The following LRP12 variants were observed in gnomAD, a reference collection of about 807,000 sequenced individuals.
The protein encoded by LRP12 is low-density lipoprotein receptor-related protein 12.
Under a neutral mutation model 66.0 loss-of-function variants are expected in LRP12, and 14 were observed. The ratio of observed to expected loss-of-function variants is 0.21; its 90% CI spans 0.14 to 0.33. The LOEUF is 0.33. Ranked by LOEUF, LRP12 falls within the 10% of genes least tolerant of loss-of-function variation. The probability of loss-of-function intolerance (pLI) is 1.00; values close to 1 mark genes in which losing one functional copy is unlikely to be tolerated. For missense variants in LRP12, 889 were observed against 1,053.4 expected, an observed-to-expected ratio of 0.84 and a Z score of 2.16; for synonymous variants, 357 against 359.1, an observed-to-expected ratio of 0.99 and a Z score of 0.07.
chr8:104,497,360 A>T lies in LRP12; in HGVS notation c.1192T>A (p.Tyr398Asn). 1 of 1,613,968 alleles carries T rather than the reference A, an allele frequency of 6.2e-7. No homozygotes were observed. Among genetic ancestry groups the T allele is most frequent in the Non-Finnish European group, 8.5e-7 (1 of 1,179,952 alleles). ...TCCCTTCCATTTGGGCAATGCCAAT[A>T]CCCATCACAACGCTGCTGCTCAGTA... ...CYTEQQRCDGYWHCPNGRDET... is the reference protein window; with the variant it reads ...CYTEQQRCDGNWHCPNGRDET... The change falls in exon 5 of 7, where the codon TAT becomes AAT. Residue 398 changes from tyrosine (Y) to asparagine (N), a missense_variant. This residue lies in a region of LRP12 where 800 missense variants were observed against 964.5 expected (regional missense o/e 0.83). Coordinates refer to ENST00000276654, the MANE Select transcript of LRP12 (RefSeq NM_013437.5). This position sits in a 1 kb window ranked among gnomAD's most constrained non-coding sequence, Gnocchi z 4.3.
chr8:104,498,741 A>G (rs1810778053), intron 4 of LRP12, among the ~76,000 whole-genome samples: 1 of 152,178 alleles, frequency 6.6e-6, no homozygotes, highest in Non-Finnish European at 1.5e-5. Context: ...TTGGGTTCTA[A>G]TGACAAATTA....
chr8:104,490,828 G>T lies in LRP12; in HGVS notation c.2425C>A (p.Pro809Thr). ...ACTCCAGGATTTGTTGCATTATATG[G>T]TTGTCTAAGCCCTTGTCCTTGATCT... ...ASDQGQGLRQ[P>T]YNATNPGVRP... The change falls in exon 7 of 7, where the codon CCA (proline) becomes ACA (threonine). Residue 809 changes from proline (P) to threonine (T), a missense_variant. Transcript: ENST00000276654. 1 of 1,614,100 alleles carries T rather than the reference G, an allele frequency of 6.2e-7. No individual in the cohort carries two copies. The highest frequency in any genetic ancestry group is 8.5e-7 in the Non-Finnish European group (1 of 1,180,018).
intron 1 of LRP12, among the ~76,000 whole-genome samples, chr8:104,544,636 C>A (rs1461220024): frequency 6.6e-6 from 1 of 152,158 alleles, no homozygotes; most frequent in African/African-American, 2.4e-5. Context: ...TAAATCTGCT[C>A]TGCTTGAACA....
chr8:104,504,274 T>C (rs1222274232), intron 3 of LRP12: 2 of 152,106 alleles, frequency 1.3e-5, no homozygotes, highest in East Asian at 3.8e-4. Flanking sequence ...GAGTTTTATC[T>C]ATTTTCCTGA....
At chr8:104,515,239 T>A in intron 2 of LRP12, among the ~76,000 whole-genome samples, 1 of 152,242 alleles carries the variant, frequency 6.6e-6, no homozygotes, top group East Asian at 1.9e-4. Context: ...ACATTCATTC[T>A]ATTCATACCT....
intron 1 of LRP12, among the ~76,000 whole-genome samples, chr8:104,570,188 G>A (rs1812057418): frequency 6.6e-6 from 1 of 152,126 alleles, no homozygotes; most frequent in Non-Finnish European, 1.5e-5. Context: ...ACTCAACATA[G>A]TAAAGGTATC....
At chr8:104,520,419 T>C (rs552574847) in intron 2 of LRP12, among the ~76,000 whole-genome samples, 1 of 152,170 alleles carries the variant, frequency 6.6e-6, no homozygotes, top group Non-Finnish European at 1.5e-5. Context: ...TGACTCTGGC[T>C]GGAAGCATAA....
chr8:104,548,409 TGA>T (rs1482659153), intron 1 of LRP12, among the ~76,000 whole-genome samples: 48 of 98,924 alleles, frequency 4.9e-4, no homozygotes, highest in African/African-American at 3.4e-4. Flanking sequence ...TATAAATATA[TGA>T]TATATTAATA....
intron 6 of LRP12, among the ~76,000 whole-genome samples, chr8:104,492,808 G>GTT: frequency 6.6e-6 from 1 of 151,580 alleles, no homozygotes; most frequent in South Asian, 2.1e-4. Flanking sequence ...ATACAGATGA[G>GTT]TAAGAGTTTT....
rs768050245 is a variant in LRP12, at chr8:104,499,266, C to G, written c.475+51G>C. 4 of 1,378,318 alleles carry G rather than the reference C, an allele frequency of 2.9e-6. 1 individual carries two copies. The South Asian group carries it at 5.0e-5, about 17-fold the overall frequency. 85.4% of individuals were successfully genotyped at this position (1,378,318 alleles called of 1,614,324 possible). On this transcript the variant is annotated intron_variant, in intron 4 of 6. Coordinates refer to ENST00000276654, the MANE Select transcript of LRP12 (RefSeq NM_013437.5). ...GAAGATTAGCTCCGAAGTGACAGAG[C>G]AGTTAATACCATAAAATTCAGTTCA... is the stretch of plus-strand genomic sequence containing the variant.
rs533067243 is a variant in LRP12, at chr8:104,490,828, G to C, written c.2425C>G (p.Pro809Ala). The change falls in exon 7 of 7, where the codon CCA (proline) becomes GCA (alanine). Residue 809 changes from proline (P) to alanine (A), a missense_variant. Pro to Ala is a conservative substitution (Grantham distance 27, BLOSUM62 -1). Transcript: ENST00000276654. ...ASDQGQGLRQ[P>A]YNATNPGVRP... is the part of the protein sequence containing the mutation. Reference sequence around the variant, plus strand: ...ACTCCAGGATTTGTTGCATTATATGGTTGTCTAAGCCCTTGTCCTTGATCT... The same window carrying C: ...ACTCCAGGATTTGTTGCATTATATGCTTGTCTAAGCCCTTGTCCTTGATCT... 10 of 1,614,100 alleles carry C rather than the reference G, an allele frequency of 6.2e-6. 1 individual carries two copies. The South Asian group carries it at 1.1e-4, about 18-fold the overall frequency.
Position 104,588,985 on chromosome 8 carries a change from C to CCGA in LRP12, c.-89_-88insTCG. On this transcript the variant is annotated 5_prime_UTR_variant, in exon 1 of 7. Coordinates refer to ENST00000276654, the MANE Select transcript of LRP12 (RefSeq NM_013437.5). Reference sequence around the variant, plus strand: ...GACGACGCCGACGCCGCCGCCGCCGCCGCCGCCGCCGCCGAGCCACCGGCT... The same window carrying CCGA: ...GACGACGCCGACGCCGCCGCCGCCGCCGACGCCGCCGCCGCCGAGCCACCGGCT... 2 of 894,770 alleles carry CCGA rather than the reference C, an allele frequency of 2.2e-6. No individual in the cohort carries two copies. Among genetic ancestry groups the CCGA allele is most frequent in the Admixed American group, 2.9e-5 (1 of 34,850 alleles). 55.4% of individuals were successfully genotyped at this position (894,770 alleles called of 1,614,324 possible). A position where few individuals can be genotyped will look rare whatever the true frequency, so the allele number is the denominator to read the frequency against.
At position 104,491,314 on chromosome 8, in the gene LRP12, A is replaced by G. The variant is rs1810625433; in HGVS notation, c.1939T>C (p.Leu647=). 1 of 1,613,964 alleles carries G rather than the reference A, an allele frequency of 6.2e-7. No individual in the cohort carries two copies. The highest frequency in any genetic ancestry group is 1.1e-5 in the South Asian group (1 of 91,084). ...EPERNHTHRS[L]FSVESDDTDT... is the part of the protein sequence containing the mutation. ...GTATCATCAGACTCCACGGAAAACA[A>G]ACTTCTGTGAGTATGATTTCTCTCA... is the stretch of plus-strand genomic sequence containing the variant. Residue 647 remains leucine, a synonymous_variant, in exon 7 of 7, where the codon TTG becomes CTG. Coordinates refer to ENST00000276654, the MANE Select transcript of LRP12 (RefSeq NM_013437.5).
At chr8:104,535,113 C>G (rs550157116) in intron 1 of LRP12, among the ~76,000 whole-genome samples, 2 of 151,368 alleles carry the variant, frequency 1.3e-5, no homozygotes, top group South Asian at 4.2e-4. Flanking sequence ...GTAGATAAAC[C>G]CTAAAAAAGA....
At chr8:104,585,826 C>T (rs183663571) in intron 1 of LRP12, among the ~76,000 whole-genome samples, 61 of 152,254 alleles carry the variant, frequency 4.0e-4, no homozygotes, top group Non-Finnish European at 6.5e-4. Context: ...GATAAAGCAA[C>T]GGAACTGTCA....
intron 2 of LRP12, among the ~76,000 whole-genome samples, chr8:104,514,918 T>A (rs1017937009): frequency 2.6e-5 from 4 of 152,218 alleles, no homozygotes; most frequent in Non-Finnish European, 4.4e-5. Flanking sequence ...TTGAGATGGC[T>A]ACTAAGGCTG....
chr8:104,557,548 G>T (rs1471219254), intron 1 of LRP12, among the ~76,000 whole-genome samples: 1 of 151,186 alleles, frequency 6.6e-6, no homozygotes, highest in Non-Finnish European at 1.5e-5. Context: ...AAAAAATTAG[G>T]AATATACCTA....
chr8:104,588,051 C>G (rs949709740), intron 1 of LRP12, among the ~76,000 whole-genome samples: 1 of 152,220 alleles, frequency 6.6e-6, no homozygotes, highest in African/African-American at 2.4e-5. Context: ...TCAGCCTTCT[C>G]TTAACCCGAA....
chr8:104,584,810 A>G (rs2140903176), intron 1 of LRP12, among the ~76,000 whole-genome samples: 1 of 152,306 alleles, frequency 6.6e-6, no homozygotes, highest in Middle Eastern at 3.4e-3. Flanking sequence ...ATCAAACTTG[A>G]CTTTGTAAGA....
Sources: gnomAD v4.1 joint callset for allele counts (sites outside exome capture counted in the v4.1 genomes callset) on GRCh38, gnomAD v4.1.1 for gene constraint, gnomAD v4.1.1 regional missense constraint, Gnocchi (gnomAD v3.1) non-coding constraint, MANE v1.5 for transcripts, NCBI Gene and HGNC (gene_info 2026-07-23, HGNC 2026-07-21) for gene names.